LMCD1: variants seen among roughly 807,000 people sequenced by gnomAD.
The protein encoded by LMCD1 is LIM and cysteine-rich domains protein 1.
Under a neutral mutation model 42.7 loss-of-function variants are expected in LMCD1, and 32 were observed. The observed-to-expected ratio is 0.75, with a 90% CI of 0.57 to 1.01. The LOEUF (loss-of-function observed/expected upper bound fraction) is 1.01, where lower values mean the gene tolerates loss of function less well. Among genes scored for constraint, LMCD1 ranks in the 50% least tolerant of loss-of-function variants. The pLI is 0.00. For missense variants in LMCD1, 458 were observed against 483.1 expected, an observed-to-expected ratio of 0.95 and a Z score of 0.49; for synonymous variants, 178 against 184.9, an observed-to-expected ratio of 0.96 and a Z score of 0.30.
chr3:8,515,815 A>G lies in LMCD1; in HGVS notation c.42+13835A>G, dbSNP rs1011771281. Among the ~76,000 whole-genome samples the G allele has an allele frequency of 4.6e-5, 7 of 152,232 alleles. No homozygotes were observed. The East Asian group carries it at 1.4e-3, about 30-fold the overall frequency. ...GGATACAAAAACAAAACAGCTGTGG[A>G]ATAGAGGAGGGGAGACCATTAACCT... On this transcript the variant is annotated intron_variant, in intron 1 of 5. Coordinates refer to ENST00000157600, the MANE Select transcript of LMCD1 (RefSeq NM_014583.4).
Position 8,549,522 on chromosome 3 carries a change from T to G in LMCD1, c.723+619T>G, listed in dbSNP as rs1472921077. Among the ~76,000 whole-genome samples, 2 of 152,152 alleles carry G rather than the reference T, an allele frequency of 1.3e-5. 1 individual carries two copies. ...AGGAAATCAAACAAGCAGAGGACAC[T>G]GTCCCCAAACTGCAGAATGCCATGA... On this transcript the variant is annotated intron_variant, in intron 4 of 5. Coordinates refer to ENST00000157600, the MANE Select transcript of LMCD1 (RefSeq NM_014583.4).
At chr3:8,549,541 G>A (rs1441655852) in intron 4 of LMCD1, among the ~76,000 whole-genome samples, 1 of 152,162 alleles carries the variant, frequency 6.6e-6, no homozygotes, top group Non-Finnish European at 1.5e-5. Flanking sequence ...ACTGCAGAAT[G>A]CCATGAACTT....
At chr3:8,538,385 A>G (rs1396680265) in intron 3 of LMCD1, among the ~76,000 whole-genome samples, 1 of 152,210 alleles carries the variant, frequency 6.6e-6, no homozygotes, top group East Asian at 1.9e-4. Flanking sequence ...TGTTAATACA[A>G]TTTGTAGAAG....
chr3:8,528,001 T>C (rs1694331383), intron 1 of LMCD1, among the ~76,000 whole-genome samples: 1 of 152,196 alleles, frequency 6.6e-6, no homozygotes, highest in Non-Finnish European at 1.5e-5. Flanking sequence ...TTTGGGGTTA[T>C]CTTTTTTGAA....
chr3:8,554,233 T>C (rs1694891334), intron 4 of LMCD1, among the ~76,000 whole-genome samples: 1 of 152,116 alleles, frequency 6.6e-6, no homozygotes, highest in African/African-American at 2.4e-5. Flanking sequence ...GTGATACCCA[T>C]TTCGCAGATG....
At chr3:8,560,140 C>G (rs892900220) in intron 4 of LMCD1, among the ~76,000 whole-genome samples, 2 of 116,364 alleles carry the variant, frequency 1.7e-5, no homozygotes, top group Non-Finnish European at 3.7e-5. Flanking sequence ...TGGCTCATGC[C>G]TATAATCCCA....
chr3:8,513,941 G>A (rs1397484650), intron 1 of LMCD1, among the ~76,000 whole-genome samples: 1 of 152,086 alleles, frequency 6.6e-6, no homozygotes, highest in African/African-American at 2.4e-5. Context: ...ACAAACCCTG[G>A]GGGATGTCTG....
In LMCD1 at chr3:8,504,595, G is replaced by A. The variant is rs80090439; in HGVS notation, c.42+2615G>A. 1.0e-3 allele frequency among the ~76,000 whole-genome samples: 159 copies of A among 152,350 alleles called. 4 individuals carry two copies. The East Asian group carries it at 0.029, about 28-fold the overall frequency. ...CTTAAAGGTCATCTAACCAACCCCAGACAGGCTGGGGAAAGAGACTCACTG... is the reference window on the plus strand; with the variant it reads ...CTTAAAGGTCATCTAACCAACCCCAAACAGGCTGGGGAAAGAGACTCACTG... On this transcript the variant is annotated intron_variant, in intron 1 of 5. Coordinates refer to ENST00000157600, the MANE Select transcript of LMCD1 (RefSeq NM_014583.4).
chr3:8,518,670 A>G (rs1694142975), intron 1 of LMCD1, among the ~76,000 whole-genome samples: 1 of 152,202 alleles, frequency 6.6e-6, no homozygotes, highest in Non-Finnish European at 1.5e-5. Context: ...ATCCATGAAG[A>G]GATTCCAGGA....
Position 8,565,627 on chromosome 3 carries a change from C to A in LMCD1, c.919C>A (p.Arg307=). ...CCATTACTGCGAGAGTCTGCGGCCC[C>A]GGTGCTCCGGCTGCGATGAGGTGGG... is the stretch of plus-strand genomic sequence containing the variant. ...GRHYCESLRP[R]CSGCDEIIFA... The change falls in exon 5 of 6, where the codon CGG becomes AGG. Residue 307 remains arginine (R), a synonymous_variant. Transcript: ENST00000157600. 3 of 1,605,196 alleles carry A rather than the reference C, an allele frequency of 1.9e-6. No homozygotes were observed. The highest frequency in any genetic ancestry group is 2.2e-5 in the East Asian group (1 of 44,512).
chr3:8,531,373 A>C (rs369693984), intron 1 of LMCD1, among the ~76,000 whole-genome samples: 1 of 152,322 alleles, frequency 6.6e-6, no homozygotes, highest in East Asian at 1.9e-4. Context: ...AGTCTGCTCT[A>C]ATAAACTCAT....
intron 1 of LMCD1, among the ~76,000 whole-genome samples, chr3:8,512,479 C>A (rs988316866): frequency 6.6e-5 from 10 of 152,152 alleles, no homozygotes; most frequent in Non-Finnish European, 1.5e-5. Flanking sequence ...TGGCAATTAT[C>A]TGAAAAATAA....
At position 8,568,178 on chromosome 3, in the gene LMCD1, G is replaced by C. The variant is rs1037631376; in HGVS notation, c.*580G>C. 8.5e-5 allele frequency: 13 copies of C among 152,178 alleles called. No individual in the cohort carries two copies. The highest frequency in any genetic ancestry group is 5.9e-4 in the Admixed American group (9 of 15,274). The allele number at this position is 152,178 out of a possible 1,614,324, so 9.4% of individuals were successfully genotyped here. ...CAGTGATTTTGCAACACCCAGTGCTGGCAGAAAATATAGTAAAATACTAAT... is the reference window on the plus strand; with the variant it reads ...CAGTGATTTTGCAACACCCAGTGCTCGCAGAAAATATAGTAAAATACTAAT... On this transcript the variant is annotated 3_prime_UTR_variant, in exon 6 of 6. Transcript: ENST00000157600.
At chr3:8,542,670 C>T (rs538200556) in intron 3 of LMCD1, among the ~76,000 whole-genome samples, 390 of 152,308 alleles carry the variant, frequency 2.6e-3, no homozygotes, top group Non-Finnish European at 4.3e-3. Context: ...AATATTTTTC[C>T]TCTTGGAAAA....
intron 5 of LMCD1, 55 bp from the exon 6 acceptor site, chr3:8,567,385 G>A (rs3774212): frequency 0.36 from 564,251 of 1,574,054 alleles, 103,531 homozygotes; most frequent in Admixed American, 0.44. Context: ...TAGATATACC[G>A]TCTCTACCTA....
intron 1 of LMCD1, among the ~76,000 whole-genome samples, chr3:8,518,022 C>T (rs1694129897): frequency 6.6e-6 from 1 of 151,596 alleles, no homozygotes; most frequent in Admixed American, 6.6e-5. Flanking sequence ...CCTCATGAAG[C>T]TCATAGGGAT....
Position 8,514,048 on chromosome 3 carries a change from A to ATG in LMCD1, c.42+12084_42+12085dup, listed in dbSNP as rs746216297. 5.1e-3 allele frequency among the ~76,000 whole-genome samples: 766 copies of ATG among 151,412 alleles called. 7 individuals carry two copies. The highest frequency in any genetic ancestry group is 0.017 in the African/African-American group (699 of 41,292). The stretch of plus-strand genomic sequence containing the variant: ...GCTTTGACCTTCATTTTGAATATTT[A>ATG]TGTGTGTGTGTGTGTGTATATATAT... On this transcript the variant is annotated intron_variant, in intron 1 of 5. Transcript: ENST00000157600.
At position 8,569,678 on chromosome 3, in the gene LMCD1, T is replaced by G. The variant is rs1695182409; in HGVS notation, c.*2080T>G. ...ATCGAGAGAGGTGCCCCTGGGAAAG[T>G]GATGCTTGAACTGGGCTGTAAAGGA... On this transcript the variant is annotated 3_prime_UTR_variant, in exon 6 of 6. Transcript: ENST00000157600. The G allele has an allele frequency of 1.3e-5, 2 of 152,136 alleles. No homozygotes were observed. Among genetic ancestry groups the G allele is most frequent in the Admixed American group, 1.3e-4 (2 of 15,264 alleles). The allele number at this position is 152,136 out of a possible 1,614,324, so 9.4% of individuals were successfully genotyped here.
Position 8,501,970 on chromosome 3 carries a change from G to C in LMCD1, c.32G>C (p.Gly11Ala), listed in dbSNP as rs776169691. The C allele has an allele frequency of 6.3e-7, 1 of 1,592,258 alleles. No homozygotes were observed. Among genetic ancestry groups the C allele is most frequent in the South Asian group, 1.1e-5 (1 of 88,204 alleles). ...AAGGTGGCTAAGGACCTCAACCCAG[G>C]AGTTAAAAAGGTGAGTGGAAAGCTG... MAKVAKDLNP[G>A]VKKMSLGQLQ... is the part of the protein sequence containing the mutation. The change falls in exon 1 of 6, where the codon GGA (glycine) becomes GCA (alanine). Residue 11 changes from glycine to alanine, a missense_variant. Gly to Ala is a moderately conservative substitution (Grantham distance 60). Transcript: ENST00000157600.
Sources: allele counts gnomAD v4.1 joint callset (sites outside exome capture counted in the v4.1 genomes callset), GRCh38; gene constraint gnomAD v4.1.1; transcripts MANE v1.5; gene names NCBI Gene and HGNC (gene_info 2026-07-23, HGNC 2026-07-21).